The following RGS7 variants were observed in gnomAD, a reference collection of about 807,000 sequenced individuals.
RGS7 encodes regulator of G protein signaling 7.
In RGS7, 27 loss-of-function variants were observed where a neutral mutation model predicts 81.1. The observed-to-expected ratio is 0.33, with a 90% CI of 0.25 to 0.46. RGS7 has a LOEUF of 0.46. RGS7 is among the 20% of genes least tolerant of loss of function. The pLI is 1.00. For synonymous variants in RGS7, 208 were observed against 207.7 expected (o/e 1.00, Z -0.01); for missense variants, 396 against 607.4 (o/e 0.65, Z 3.66).
At chr1:241,350,833 A>T (rs186089906) in intron 2 of RGS7, among the ~76,000 whole-genome samples, 1 of 151,850 alleles carries the variant, frequency 6.6e-6, no homozygotes, top group Admixed American at 6.6e-5. Context: ...CGTTGACCAG[A>T]TGGGCAGTCC....
chr1:241,323,268 T>C (rs777654912), intron 2 of RGS7, among the ~76,000 whole-genome samples: 3 of 152,246 alleles, frequency 2.0e-5, no homozygotes, highest in East Asian at 3.8e-4. Context: ...TAATATGCAA[T>C]GTTTTAAATA....
Position 240,968,636 on chromosome 1 carries a change from G to A in RGS7, c.226+14443C>T, listed in dbSNP as rs184489867. 3.7e-3 allele frequency among the ~76,000 whole-genome samples: 567 copies of A among 152,040 alleles called. 1 individual carries two copies. The highest frequency in any genetic ancestry group is 5.9e-3 in the Non-Finnish European group (401 of 67,994). On this transcript the variant is annotated intron_variant, in intron 4 of 18. Coordinates refer to ENST00000440928, the MANE Select transcript of RGS7 (RefSeq NM_001364886.1). ...TCAAAATTTGAAAATCGTATCAGAT[G>A]TTACAATTGAGGTTTTTAGACTCAT... is the stretch of plus-strand genomic sequence containing the variant.
chr1:240,785,611 G>A (rs1425936146), intron 18 of RGS7, among the ~76,000 whole-genome samples: 1 of 152,198 alleles, frequency 6.6e-6, no homozygotes, highest in Non-Finnish European at 1.5e-5. Context: ...TCAGGGTAAT[G>A]AGATTCCAAG....
intron 2 of RGS7, among the ~76,000 whole-genome samples, chr1:241,115,613 C>T (rs2065839346): frequency 6.6e-6 from 1 of 152,164 alleles, no homozygotes; most frequent in Non-Finnish European, 1.5e-5. Context: ...CCTGGCTTCT[C>T]CTTCTCTTCT....
intron 2 of RGS7, among the ~76,000 whole-genome samples, chr1:241,306,836 C>G (rs2080200090): frequency 1.3e-5 from 2 of 152,204 alleles, no homozygotes; most frequent in South Asian, 2.1e-4. Context: ...CATCTATCCA[C>G]TCACATACAC....
intron 16 of RGS7, among the ~76,000 whole-genome samples, chr1:240,802,482 A>T (rs1167220899): frequency 6.6e-6 from 1 of 152,190 alleles, no homozygotes; most frequent in Non-Finnish European, 1.5e-5. Context: ...TTATTGAAAA[A>T]GGTGAGTCTA....
At chr1:241,206,063 C>G (rs748922896) in intron 2 of RGS7, among the ~76,000 whole-genome samples, 48 of 151,884 alleles carry the variant, frequency 3.2e-4, no homozygotes, top group Non-Finnish European at 6.5e-4. Flanking sequence ...GACTCAGCCC[C>G]CAAAACACAC....
chr1:241,321,964 G>T (rs939346562), intron 2 of RGS7, among the ~76,000 whole-genome samples: 1 of 152,104 alleles, frequency 6.6e-6, no homozygotes. Flanking sequence ...CCATCCCCAA[G>T]AGACTCTGTG....
At chr1:241,335,437 C>T (rs1292342072) in intron 2 of RGS7, among the ~76,000 whole-genome samples, 1 of 152,140 alleles carries the variant, frequency 6.6e-6, no homozygotes, top group Non-Finnish European at 1.5e-5. Context: ...AGTTCCACAG[C>T]AAACTGCAAA....
intron 18 of RGS7, among the ~76,000 whole-genome samples, chr1:240,797,267 C>G (rs531242855): frequency 6.6e-6 from 1 of 152,232 alleles, no homozygotes; most frequent in East Asian, 1.9e-4. Context: ...GTCATCCTAC[C>G]CTGTTTTTCC....
At chr1:241,333,212 T>C (rs2082067280) in intron 2 of RGS7, among the ~76,000 whole-genome samples, 1 of 152,240 alleles carries the variant, frequency 6.6e-6, no homozygotes, top group Non-Finnish European at 1.5e-5. Flanking sequence ...TAGCTTTCTC[T>C]ACCACTTTCC....
chr1:240,813,192 A>G (rs1486467477), intron 13 of RGS7, among the ~76,000 whole-genome samples: 1 of 152,176 alleles, frequency 6.6e-6, no homozygotes, highest in Non-Finnish European at 1.5e-5. Flanking sequence ...TACAGTGTCT[A>G]TGGTAAGCTC....
chr1:241,126,130 A>ATATT (rs55756762), intron 2 of RGS7, among the ~76,000 whole-genome samples: 11,510 of 151,212 alleles, frequency 0.076, 553 homozygotes, highest in East Asian at 0.2. Flanking sequence ...TTTCCCATTT[A>ATATT]TATTTATTTA....
intron 2 of RGS7, among the ~76,000 whole-genome samples, chr1:241,101,368 C>T (rs1268501537): frequency 7.2e-5 from 11 of 152,072 alleles, no homozygotes; most frequent in South Asian, 4.2e-4. Flanking sequence ...TGGTGACAGG[C>T]GCCTGTAATC....
intron 2 of RGS7, among the ~76,000 whole-genome samples, chr1:241,329,963 T>C (rs1234786130): frequency 1.3e-5 from 2 of 152,092 alleles, no homozygotes; most frequent in East Asian, 3.8e-4. Context: ...GTTTTTGAGA[T>C]GGAGTCTCGC....
intron 2 of RGS7, among the ~76,000 whole-genome samples, chr1:241,306,123 CT>C (rs1318368840): frequency 2.0e-5 from 2 of 100,358 alleles, no homozygotes; most frequent in Middle Eastern, 4.5e-3. Flanking sequence ...TCTCTCATCT[CT>C]TTTTCACACA....
At chr1:240,843,713 G>A (rs1658541951) in intron 9 of RGS7, among the ~76,000 whole-genome samples, 1 of 152,200 alleles carries the variant, frequency 6.6e-6, no homozygotes. Flanking sequence ...GTATTTGAGA[G>A]AGGATTTGCT....
intron 4 of RGS7, among the ~76,000 whole-genome samples, chr1:240,957,458 G>A (rs947118640): frequency 3.9e-5 from 6 of 152,110 alleles, no homozygotes; most frequent in South Asian, 2.1e-4. Flanking sequence ...CCTTGTGACC[G>A]TGTGAGTCAA....
intron 2 of RGS7, among the ~76,000 whole-genome samples, chr1:241,125,415 C>A (rs1038081097): frequency 7.2e-6 from 1 of 138,196 alleles, no homozygotes; most frequent in South Asian, 2.2e-4. Flanking sequence ...ACCCGACATG[C>A]ACAAAGACAT....
Sources: gnomAD v4.1 joint callset for allele counts (sites outside exome capture counted in the v4.1 genomes callset) on GRCh38, gnomAD v4.1.1 for gene constraint, MANE v1.5 for transcripts, NCBI Gene and HGNC (gene_info 2026-07-23, HGNC 2026-07-21) for gene names.